LZTR1: variants seen among roughly 807,000 people sequenced by gnomAD.
The protein encoded by LZTR1 is leucine zipper like post translational regulator 1.
In LZTR1, 260 loss-of-function variants were observed where a neutral mutation model predicts 105.7. The ratio of observed to expected loss-of-function variants is 2.46; its 90% CI spans 2.22 to 2.72. LZTR1 has a LOEUF of 2.72. Among genes scored for constraint, LZTR1 ranks in the 30% most tolerant of loss-of-function variants. The probability of loss-of-function intolerance (pLI) is 0.00; values close to 1 mark genes in which losing one functional copy is unlikely to be tolerated. For missense variants in LZTR1, 1,214 were observed against 1,166.9 expected (o/e 1.04, Z -0.59); for synonymous variants, 490 against 476.4 (o/e 1.03, Z -0.37).
chr22:20,988,704 G>A, intron 5 of LZTR1, 85 bp from the exon 6 acceptor site: 1 of 921,164 alleles, frequency 1.1e-6, no homozygotes, highest in Non-Finnish European at 1.8e-6. Context: ...GCCTGGCTGT[G>A]GCCCCTGCAC....
Position 20,993,731 on chromosome 22 carries a change from G to T in LZTR1, c.1330G>T (p.Asp444Tyr). Residue 444 changes from aspartate to tyrosine, a missense_variant, in exon 12 of 21, where the codon GAC becomes TAC. By Grantham distance (160) the Asp-to-Tyr change is radical. Transcript: ENST00000646124. Reference sequence around the variant, plus strand: ...GCTGTGGGAGAGCCGCCAGTTCTGCGACGTGGAGTTCGTGCTGGGTGAGGT... The same window carrying T: ...GCTGTGGGAGAGCCGCCAGTTCTGCTACGTGGAGTTCGTGCTGGGTGAGGT... The part of the protein sequence containing the change: ...GRLWESRQFC[D>Y]VEFVLGEKEE... 1 of 1,613,430 alleles carries T rather than the reference G, an allele frequency of 6.2e-7. No homozygotes were observed. Among genetic ancestry groups the T allele is most frequent in the Non-Finnish European group, 8.5e-7 (1 of 1,179,930 alleles).
At chr22:20,989,530 G>T (rs1924519321) in intron 6 of LZTR1, 95 bp from the exon 7 acceptor site, 3 of 987,938 alleles carry the variant, frequency 3.0e-6, no homozygotes, top group Admixed American at 3.4e-5. Flanking sequence ...CTGTGTGGGG[G>T]TGGGGCTCCT....
At chr22:20,986,357 A>G (rs1157440994) in intron 3 of LZTR1, 5 of 157,246 alleles carry the variant, frequency 3.2e-5, no homozygotes, top group Admixed American at 6.3e-5. Flanking sequence ...GACCCTGTCT[A>G]GGAAGATAGA....
At position 20,998,247 on chromosome 22, in the gene LZTR1, C is replaced by A; in HGVS notation, c.*899C>A. 6.6e-6 allele frequency: 1 copy of A among 152,510 alleles called. No homozygotes were observed. The allele number at this position is 152,510 out of a possible 1,614,324, so 9.4% of individuals were successfully genotyped here. Reference sequence around the variant, plus strand: ...TATCCATGCTGTCAACTCCTGCCTCCACCTGGGGTCACCCAGTCACATTGG... The same window carrying A: ...TATCCATGCTGTCAACTCCTGCCTCAACCTGGGGTCACCCAGTCACATTGG... On this transcript the variant is annotated 3_prime_UTR_variant, in exon 21 of 21. Coordinates refer to ENST00000646124, the MANE Select transcript of LZTR1 (RefSeq NM_006767.4).
At chr22:20,993,143 G>A (rs1041204918) in intron 11 of LZTR1, among the ~76,000 whole-genome samples, 1 of 152,234 alleles carries the variant, frequency 6.6e-6, no homozygotes, top group African/African-American at 2.4e-5. Context: ...GTCAGTGGAG[G>A]GAGCCGGGCC....
chr22:20,988,489 T>C (rs1924481477), intron 5 of LZTR1, among the ~76,000 whole-genome samples: 1 of 152,152 alleles, frequency 6.6e-6, no homozygotes. Flanking sequence ...TTCAATAAGA[T>C]CCAATGTACT....
At chr22:20,995,129 G>T (rs963448442) in intron 16 of LZTR1, 103 bp downstream of exon 16, 15 of 1,360,208 alleles carry the variant, frequency 1.1e-5, no homozygotes, top group Non-Finnish European at 1.4e-5. Flanking sequence ...CCTCGGGGTG[G>T]GGGTGGGTGC....
At chr22:20,991,554 G>A in intron 8 of LZTR1, 74 bp from the exon 9 acceptor site, 1 of 1,211,468 alleles carries the variant, frequency 8.3e-7, no homozygotes, top group Non-Finnish European at 1.1e-6. Flanking sequence ...CCCAGTGAAG[G>A]CCTGCTGTGG....
intron 1 of LZTR1, 154 bp downstream of exon 1, chr22:20,982,725 G>A: frequency 1.3e-6 from 1 of 742,202 alleles, no homozygotes; most frequent in Non-Finnish European, 2.2e-6. Flanking sequence ...GGGCAGGGGA[G>A]AGGGTTCCGA....
At position 20,992,199 on chromosome 22, in the gene LZTR1, G is replaced by A. The variant is rs1232894913; in HGVS notation, c.994-15G>A. 1.2e-6 allele frequency: 2 copies of A among 1,611,132 alleles called. No homozygotes were observed. Among genetic ancestry groups the A allele is most frequent in the African/African-American group, 2.7e-5 (2 of 74,874 alleles). ...TTGCCAACTGGTCTCATGCCCATGTGTCTCCCCTCTTCAGGTTGGTGGGGC... is the reference window on the plus strand; with the variant it reads ...TTGCCAACTGGTCTCATGCCCATGTATCTCCCCTCTTCAGGTTGGTGGGGC... On this transcript the variant is annotated splice_polypyrimidine_tract_variant and intron_variant, in intron 9 of 20. Coordinates refer to ENST00000646124, the MANE Select transcript of LZTR1 (RefSeq NM_006767.4).
At chr22:20,994,520 T>C in intron 14 of LZTR1, 38 bp from the exon 15 acceptor site, 1 of 1,596,684 alleles carries the variant, frequency 6.3e-7, no homozygotes, top group South Asian at 1.1e-5. Context: ...TGCCCTCCCC[T>C]CTCCGGCTCC....
chr22:20,987,902 T>C, intron 4 of LZTR1, 108 bp from the exon 5 acceptor site: 3 of 729,556 alleles, frequency 4.1e-6, no homozygotes, highest in African/African-American at 1.8e-5. Context: ...GTGGAAGGAG[T>C]CCTGGCTTAT....
At chr22:20,990,240 T>G in intron 7 of LZTR1, 146 bp from the exon 8 acceptor site, 3 of 909,844 alleles carry the variant, frequency 3.3e-6, no homozygotes, top group Non-Finnish European at 3.5e-6. Context: ...GACAGGGCTA[T>G]GAGCTGTTCC....
intron 6 of LZTR1, 109 bp downstream of exon 6, chr22:20,988,981 G>A: frequency 1.1e-6 from 1 of 916,434 alleles, no homozygotes; most frequent in Non-Finnish European, 1.8e-6. Context: ...GTGCCTGGTG[G>A]ATTTTGAGTG....
In LZTR1 at chr22:20,997,329, A is replaced by G. The variant is rs1259775939; in HGVS notation, c.2504A>G (p.Glu835Gly). Reference sequence around the variant, plus strand: ...CACATCTCAGACAAGCAGTGCGCAGAGCTGGGCGCCGACATCTGAGGCCCT... The same window carrying G: ...CACATCTCAGACAAGCAGTGCGCAGGGCTGGGCGCCGACATCTGAGGCCCT... ...ASHISDKQCA[E>G]LGADI is the part of the protein sequence containing the mutation. Residue 835 changes from glutamate to glycine, a missense_variant, in exon 21 of 21, where the codon GAG becomes GGG. By Grantham distance (98) the Glu-to-Gly change is moderately conservative. Transcript: ENST00000646124. The G allele has an allele frequency of 6.2e-7, 1 of 1,613,316 alleles. No individual in the cohort carries two copies. Among genetic ancestry groups the G allele is most frequent in the South Asian group, 1.1e-5 (1 of 91,070 alleles).
In LZTR1 at chr22:20,994,005, G is replaced by A; in HGVS notation, c.1435G>A (p.Glu479Lys). Residue 479 changes from glutamate to lysine, a missense_variant, in exon 13 of 21, where the codon GAG (glutamate) becomes AAG (lysine). Transcript: ENST00000646124. Reference sequence around the variant, plus strand: ...TCGCAGGAAGATCACGCAGGCGCGGGAGAGGCTGGCCCAGGTGAGGTGCCT... The same window carrying A: ...TCGCAGGAAGATCACGCAGGCGCGGAAGAGGCTGGCCCAGGTGAGGTGCCT... ...WLRRKITQAR[E>K]RLAQKLEQEA... The A allele has an allele frequency of 2.5e-6, 4 of 1,609,714 alleles. No homozygotes were observed. In the South Asian group the frequency reaches 4.4e-5, roughly 18 times the overall value.
chr22:20,984,797 T>C (rs1924321534), intron 2 of LZTR1, among the ~76,000 whole-genome samples: 1 of 152,202 alleles, frequency 6.6e-6, no homozygotes, highest in African/African-American at 2.4e-5. Context: ...AGGCTGGGCA[T>C]GACGGGGCAC....
At chr22:20,982,602 A>T in intron 1 of LZTR1, 31 bp downstream of exon 1, 1 of 1,601,576 alleles carries the variant, frequency 6.2e-7, no homozygotes, top group Non-Finnish European at 8.5e-7. Flanking sequence ...TCCTGAGGAC[A>T]GGAAGGGCGA....
At position 20,987,911 on chromosome 22, in the gene LZTR1, A is replaced by T. The variant is rs76503510; in HGVS notation, c.401-99A>T. On this transcript the variant is annotated intron_variant, in intron 4 of 20. Coordinates refer to ENST00000646124, the MANE Select transcript of LZTR1 (RefSeq NM_006767.4). ...GGGCTTGTGGAAGGAGTCCTGGCTT[A>T]TGCATTTTCAGGGGGGCCAGATTCT... is the stretch of plus-strand genomic sequence containing the variant. The T allele has an allele frequency of 1.5e-4, 113 of 758,318 alleles. No individual in the cohort carries two copies. The African/African-American group carries it at 1.8e-3, about 12-fold the overall frequency. The allele number at this position is 758,318 out of a possible 1,614,324, so 47.0% of individuals were successfully genotyped here.
Sources: gnomAD v4.1 joint callset for allele counts (sites outside exome capture counted in the v4.1 genomes callset) on GRCh38, gnomAD v4.1.1 for gene constraint, MANE v1.5 for transcripts, NCBI Gene and HGNC (gene_info 2026-07-23, HGNC 2026-07-21) for gene names.